COL28A1: variants seen among roughly 807,000 people sequenced by gnomAD.
The protein encoded by COL28A1 is collagen type XXVIII alpha 1 chain.
In COL28A1, 161 loss-of-function variants were observed where a neutral mutation model predicts 150.2. The observed-to-expected ratio is 1.07, with a 90% CI of 0.94 to 1.22. COL28A1 has a LOEUF of 1.22. Among genes scored for constraint, COL28A1 ranks in the 50% most tolerant of loss-of-function variants. The pLI, the probability that COL28A1 is intolerant of heterozygous loss-of-function variation, is 0.00. For missense variants in COL28A1, 1,617 were observed against 1,388.3 expected, an observed-to-expected ratio of 1.16 and a Z score of -2.62; for synonymous variants, 552 against 469.7, an observed-to-expected ratio of 1.18 and a Z score of -2.26.
intron 32 of COL28A1, among the ~76,000 whole-genome samples, chr7:7,372,728 C>T (rs1265204382): frequency 2.6e-5 from 4 of 152,182 alleles, no homozygotes; most frequent in Non-Finnish European, 5.9e-5. Context: ...CCTATTCTTT[C>T]TCTCCATTCC....
intron 33 of COL28A1, 121 bp from the exon 34 acceptor site, chr7:7,360,649 C>A (rs1323284720): frequency 6.2e-6 from 5 of 811,650 alleles, no homozygotes; most frequent in Non-Finnish European, 9.4e-6. Flanking sequence ...CTCTCTGATA[C>A]TAACTATTTC....
At chr7:7,406,783 G>A (rs780227204) in intron 27 of COL28A1, among the ~76,000 whole-genome samples, 1 of 152,096 alleles carries the variant, frequency 6.6e-6, no homozygotes, top group Non-Finnish European at 1.5e-5. Context: ...TGTATTGAGT[G>A]AGATAAAGTG....
intron 23 of COL28A1, among the ~76,000 whole-genome samples, chr7:7,434,746 G>A (rs949346189): frequency 1.3e-5 from 2 of 152,108 alleles, no homozygotes; most frequent in Non-Finnish European, 2.9e-5. Flanking sequence ...GGAGGAGCAG[G>A]TTTTTATTTT....
chr7:7,492,836 T>A (rs1163070434), intron 11 of COL28A1, among the ~76,000 whole-genome samples: 2 of 151,280 alleles, frequency 1.3e-5, no homozygotes, highest in Non-Finnish European at 2.9e-5. Context: ...CTGGCAAATA[T>A]TTTTTCCCTT....
the COL28A1 span, among the ~76,000 whole-genome samples, chr7:7,343,072 A>C: frequency 6.6e-6 from 1 of 151,972 alleles, no homozygotes; most frequent in Non-Finnish European, 1.5e-5. Flanking sequence ...TTTTATTAAG[A>C]AGCCAGTTGT....
intron 11 of COL28A1, among the ~76,000 whole-genome samples, chr7:7,504,711 C>G (rs1217965151): frequency 6.6e-6 from 1 of 152,180 alleles, no homozygotes; most frequent in Non-Finnish European, 1.5e-5. Context: ...GATCTCCAGG[C>G]TTTGTTTCTC....
At chr7:7,437,345 C>T in intron 22 of COL28A1, 49 bp downstream of exon 22, 2 of 1,546,792 alleles carry the variant, frequency 1.3e-6, no homozygotes, top group Admixed American at 2.1e-5. Flanking sequence ...TTTTTTTCTC[C>T]AACTGCCAAA....
chr7:7,495,305 C>T (rs952590396), intron 11 of COL28A1, among the ~76,000 whole-genome samples: 4 of 152,132 alleles, frequency 2.6e-5, no homozygotes, highest in Non-Finnish European at 5.9e-5. Context: ...AGCCACATTT[C>T]AAATGCCCAG....
chr7:7,378,623 G>C (rs1014275054), intron 30 of COL28A1, among the ~76,000 whole-genome samples: 2 of 152,176 alleles, frequency 1.3e-5, no homozygotes, highest in African/African-American at 2.4e-5. Context: ...AGGGGGAGAG[G>C]AAAGAGGCCT....
In COL28A1 at chr7:7,364,850, C is replaced by T. The variant is rs988169726; in HGVS notation, c.3067-4322G>A. 2.6e-4 allele frequency among the ~76,000 whole-genome samples: 39 copies of T among 152,020 alleles called. 1 individual carries two copies. The highest frequency in any genetic ancestry group is 1.8e-3 in the Admixed American group (27 of 15,270). On this transcript the variant is annotated intron_variant, in intron 33 of 34. Coordinates refer to ENST00000399429, the MANE Select transcript of COL28A1 (RefSeq NM_001037763.3). ...TTTCTCTACCTCTTTTTTTCCATAG[C>T]ATAGAATAGGCAAAAAGTATCCATT...
chr7:7,369,219 GTCCA>G (rs1781093315), intron 33 of COL28A1, among the ~76,000 whole-genome samples: 1 of 152,162 alleles, frequency 6.6e-6, no homozygotes, highest in Non-Finnish European at 1.5e-5. Flanking sequence ...CCCAGTAGCG[GTCCA>G]TGCTCAGGAG....
intron 18 of COL28A1, among the ~76,000 whole-genome samples, chr7:7,445,319 G>A (rs75614131): frequency 0.023 from 3,576 of 152,236 alleles, 136 homozygotes; most frequent in African/African-American, 0.081. Flanking sequence ...TGGAGTGAGC[G>A]TCTGCTAGGC....
rs533401478 is a variant in COL28A1 at position 7,377,976 on chromosome 7, A to G, written c.2323-2479T>C. On this transcript the variant is annotated intron_variant, in intron 30 of 34. Transcript: ENST00000399429. ...AGGAGGCAAATGACAGTGGGGCCAT[A>G]CTCTGAGAGAGGCAGGAGTGGGATA... Among the ~76,000 whole-genome samples, 4 of 152,138 alleles carry G rather than the reference A, an allele frequency of 2.6e-5. No individual in the cohort carries two copies. The South Asian group carries it at 8.3e-4, about 32-fold the overall frequency.
intron 3 of COL28A1, 66 bp from the exon 4 acceptor site, chr7:7,524,315 C>T (rs1407746233): frequency 9.0e-6 from 8 of 885,292 alleles, no homozygotes; most frequent in African/African-American, 6.5e-5. Context: ...ACTTATTAGT[C>T]ATAACTATTC....
intron 27 of COL28A1, among the ~76,000 whole-genome samples, chr7:7,403,696 T>C (rs1245052567): frequency 6.6e-6 from 1 of 152,178 alleles, no homozygotes; most frequent in Non-Finnish European, 1.5e-5. Flanking sequence ...AAGGATGGAT[T>C]CCACCATTGT....
intron 9 of COL28A1, among the ~76,000 whole-genome samples, chr7:7,507,836 T>C (rs1414904006): frequency 6.6e-6 from 1 of 152,230 alleles, no homozygotes; most frequent in Non-Finnish European, 1.5e-5. Flanking sequence ...ATTTTAGGCA[T>C]ATTTTCGTCC....
chr7:7,381,511 C>G (rs746142342), intron 28 of COL28A1, 33 bp downstream of exon 28: 1 of 1,528,014 alleles, frequency 6.5e-7, no homozygotes, highest in East Asian at 2.3e-5. Context: ...GATCCTAAGC[C>G]TAAGCATTTC....
intron 7 of COL28A1, among the ~76,000 whole-genome samples, chr7:7,516,666 C>T (rs1288306870): frequency 6.6e-6 from 1 of 152,126 alleles, no homozygotes; most frequent in Non-Finnish European, 1.5e-5. Context: ...GCTGAAGAAA[C>T]CTATTTAATA....
intron 17 of COL28A1, 136 bp from the exon 18 acceptor site, chr7:7,452,523 T>C: frequency 7.7e-7 from 1 of 1,301,416 alleles, no homozygotes; most frequent in Non-Finnish European, 1.0e-6. Flanking sequence ...CTGAAATCCC[T>C]TCGGGGGATG....
Sources: gnomAD v4.1 joint callset for allele counts (sites outside exome capture counted in the v4.1 genomes callset) on GRCh38, gnomAD v4.1.1 for gene constraint, MANE v1.5 for transcripts, NCBI Gene and HGNC (gene_info 2026-07-23, HGNC 2026-07-21) for gene names.